The following ZBTB16 variants were observed in gnomAD, a reference collection of about 807,000 sequenced individuals.
ZBTB16 encodes zinc finger and BTB domain containing 16.
ZBTB16 carries 8 observed loss-of-function variants against 56.8 expected under a neutral mutation model. The ratio of observed to expected loss-of-function variants is 0.14; its 90% CI spans 0.08 to 0.25. The LOEUF is 0.25. Among genes scored for constraint, ZBTB16 ranks in the 10% least tolerant of loss-of-function variants. The probability of loss-of-function intolerance (pLI) is 1.00; values close to 1 mark genes in which losing one functional copy is unlikely to be tolerated. For synonymous variants in ZBTB16, 363 were observed against 368.5 expected (o/e 0.98, Z 0.17); for missense variants, 625 against 903.0 (o/e 0.69, Z 3.95).
chr11:114,132,693 C>T (rs2846027), intron 2 of ZBTB16, among the ~76,000 whole-genome samples: 38,263 of 152,094 alleles, frequency 0.25, 5,480 homozygotes, highest in Non-Finnish European at 0.31. Context: ...CATTTATAAA[C>T]CAGGTTTTGA....
At position 114,094,490 on chromosome 11, in the gene ZBTB16, T is replaced by G. The variant is rs559498301; in HGVS notation, c.1268+29922T>G. Among the ~76,000 whole-genome samples, 151 of 152,316 alleles carry G rather than the reference T, an allele frequency of 9.9e-4. 1 individual carries two copies. Among genetic ancestry groups the G allele is most frequent in the Admixed American group, 1.8e-3 (28 of 15,306 alleles). On this transcript the variant is annotated intron_variant, in intron 2 of 6. Transcript: ENST00000335953. ...GCATGGGCCACCCCATGGATTGCAA[T>G]GCTGTGGCTGTTTGGGTGGCATCCA...
At chr11:114,185,224 A>G (rs1943334522) in intron 3 of ZBTB16, among the ~76,000 whole-genome samples, 1 of 152,106 alleles carries the variant, frequency 6.6e-6, no homozygotes, top group Admixed American at 6.5e-5. Context: ...CAATGACAAC[A>G]ACAACAAAGC....
At chr11:114,070,686 A>T (rs1470439452) in intron 2 of ZBTB16, among the ~76,000 whole-genome samples, 1 of 152,178 alleles carries the variant, frequency 6.6e-6, no homozygotes, top group East Asian at 1.9e-4. Context: ...TTTGGTTGCC[A>T]TCACCATGCC....
Position 114,252,423 on chromosome 11 carries a change from G to A in ZBTB16, c.*1868G>A, listed in dbSNP as rs913438202. ...GCCTTTGTTTTGTTGTGTTGGGGTG[G>A]GGGTGTTGTTTTTCTAAAAGCTACC... On this transcript the variant is annotated 3_prime_UTR_variant, in exon 7 of 7. Transcript: ENST00000335953. 6.6e-6 allele frequency among the ~76,000 whole-genome samples: 1 copy of A among 151,682 alleles called. No homozygotes were observed. The highest frequency in any genetic ancestry group is 2.4e-5 in the African/African-American group (1 of 41,258).
At chr11:114,176,865 C>G (rs1416767158) in intron 3 of ZBTB16, among the ~76,000 whole-genome samples, 2 of 152,174 alleles carry the variant, frequency 1.3e-5, no homozygotes, top group African/African-American at 4.8e-5. Flanking sequence ...CCTCCTTGAG[C>G]CAGTTATCTA....
chr11:114,220,664 A>G (rs1384879719), intron 4 of ZBTB16, among the ~76,000 whole-genome samples: 1 of 152,164 alleles, frequency 6.6e-6, no homozygotes, highest in East Asian at 1.9e-4. Context: ...ATAGACATAG[A>G]TGGAAGAAAG....
chr11:114,150,785 G>A (rs1815216051), intron 2 of ZBTB16, among the ~76,000 whole-genome samples: 1 of 152,212 alleles, frequency 6.6e-6, no homozygotes, highest in Admixed American at 6.5e-5. Context: ...AGGTGAATGA[G>A]GCTAGGGCAA....
intron 4 of ZBTB16, among the ~76,000 whole-genome samples, chr11:114,195,932 G>A (rs1465551954): frequency 1.3e-5 from 2 of 152,126 alleles, no homozygotes; most frequent in African/African-American, 4.8e-5. Flanking sequence ...TATGTCCTCC[G>A]GCCAAGAGGA....
At chr11:114,190,659 T>C (rs1237357719) in intron 4 of ZBTB16, among the ~76,000 whole-genome samples, 1 of 152,006 alleles carries the variant, frequency 6.6e-6, no homozygotes, top group Non-Finnish European at 1.5e-5. Flanking sequence ...CATGGGTGTG[T>C]ACATGTATAT....
At chr11:114,192,750 G>A (rs79626255) in intron 4 of ZBTB16, among the ~76,000 whole-genome samples, 1,775 of 152,280 alleles carry the variant, frequency 0.012, 15 homozygotes, top group Non-Finnish European at 0.018. Flanking sequence ...GGGGAGAACC[G>A]GGTCTCCCAG....
intron 5 of ZBTB16, among the ~76,000 whole-genome samples, chr11:114,245,474 C>T (rs1591812908): frequency 1.3e-5 from 2 of 152,182 alleles, no homozygotes; most frequent in African/African-American, 4.8e-5. Context: ...AGCATCCGCT[C>T]CCCTCAGAGC....
At chr11:114,084,249 C>T (rs1939884294) in intron 2 of ZBTB16, among the ~76,000 whole-genome samples, 1 of 152,024 alleles carries the variant, frequency 6.6e-6, no homozygotes, top group South Asian at 2.1e-4. Context: ...AATGGGTGGT[C>T]ATTTCCAGGC....
intron 2 of ZBTB16, among the ~76,000 whole-genome samples, chr11:114,080,884 T>A (rs1049030212): frequency 1.3e-5 from 2 of 152,224 alleles, no homozygotes; most frequent in African/African-American, 4.8e-5. Flanking sequence ...TTGCCACCTG[T>A]TGAGGAAGGC....
chr11:114,214,708 A>T (rs946897872), intron 4 of ZBTB16, among the ~76,000 whole-genome samples: 2 of 152,154 alleles, frequency 1.3e-5, no homozygotes, highest in African/African-American at 4.8e-5. Context: ...GGTTCAAGCG[A>T]TTCTCATACT....
intron 2 of ZBTB16, among the ~76,000 whole-genome samples, chr11:114,071,812 T>C (rs765166614): frequency 6.6e-6 from 1 of 152,156 alleles, no homozygotes; most frequent in Non-Finnish European, 1.5e-5. Context: ...AGTAAGAAAT[T>C]TGCTACAACT....
At chr11:114,245,827 G>A (rs1944804207) in intron 5 of ZBTB16, among the ~76,000 whole-genome samples, 2 of 152,134 alleles carry the variant, frequency 1.3e-5, no homozygotes, top group Non-Finnish European at 2.9e-5. Context: ...GAAATACAGT[G>A]GGCCATTCTT....
intron 2 of ZBTB16, among the ~76,000 whole-genome samples, chr11:114,127,798 A>T (rs1472846428): frequency 1.3e-5 from 2 of 152,182 alleles, no homozygotes; most frequent in Non-Finnish European, 2.9e-5. Context: ...TCTGATTCCC[A>T]TCTGATGCCA....
chr11:114,127,504 C>G (rs545168), intron 2 of ZBTB16, among the ~76,000 whole-genome samples: 10,019 of 152,280 alleles, frequency 0.066, 474 homozygotes, highest in Non-Finnish European at 0.092. Flanking sequence ...TACACACACA[C>G]ACATGCATGC....
At chr11:114,167,301 G>C (rs1487129064) in intron 3 of ZBTB16, among the ~76,000 whole-genome samples, 1 of 98,794 alleles carries the variant, frequency 1.0e-5, no homozygotes, top group Non-Finnish European at 1.7e-5. Context: ...AGAGGGCTTG[G>C]CTGTGTTTTC....
Sources: allele counts gnomAD v4.1 joint callset (sites outside exome capture counted in the v4.1 genomes callset), GRCh38; gene constraint gnomAD v4.1.1; transcripts MANE v1.5; gene names NCBI Gene and HGNC (gene_info 2026-07-23, HGNC 2026-07-21).